Variants in LFNG observed in about 807,000 individuals in gnomAD.
LFNG encodes the protein LFNG O-fucosylpeptide 3-beta-N-acetylglucosaminyltransferase, also known as beta-1,3-N-acetylglucosaminyltransferase lunatic fringe.
In LFNG, 15 loss-of-function variants were observed where a neutral mutation model predicts 32.7. The observed-to-expected ratio is 0.46, with a 90% CI of 0.31 to 0.71. The LOEUF is 0.71. Ranked by LOEUF, LFNG falls within the 30% of genes least tolerant of loss-of-function variation. The pLI, the probability that LFNG is intolerant of heterozygous loss-of-function variation, is 0.06. For missense variants in LFNG, 520 were observed against 545.7 expected, an observed-to-expected ratio of 0.95 and a Z score of 0.47; for synonymous variants, 274 against 246.8, an observed-to-expected ratio of 1.11 and a Z score of -1.03.
At chr7:2,523,111 G>A (rs562578982) in intron 1 of LFNG, among the ~76,000 whole-genome samples, 5 of 152,308 alleles carry the variant, frequency 3.3e-5, no homozygotes, top group East Asian at 1.9e-4. Flanking sequence ...ACCAAATCTC[G>A]GGAGAACAGG....
chr7:2,523,396 G>A (rs1779847589), intron 1 of LFNG, among the ~76,000 whole-genome samples: 1 of 152,230 alleles, frequency 6.6e-6, no homozygotes, highest in Admixed American at 6.5e-5. Flanking sequence ...GGTCAGGCTG[G>A]ATAAGGATCT....
upstream of LFNG, chr7:2,513,453 G>C: frequency 1.8e-6 from 2 of 1,120,026 alleles, no homozygotes; most frequent in Non-Finnish European, 2.5e-6. Flanking sequence ...CCATGGTAGC[G>C]ATGGGGAGCC....
intron 1 of LFNG, among the ~76,000 whole-genome samples, chr7:2,522,840 T>G (rs1779831575): frequency 6.6e-6 from 1 of 152,250 alleles, no homozygotes; most frequent in African/African-American, 2.4e-5. Flanking sequence ...CTTTGCACTT[T>G]GTTCTCTGCC....
intron 1 of LFNG, chr7:2,523,580 C>G (rs1010516400): frequency 6.6e-6 from 1 of 152,242 alleles, no homozygotes; most frequent in Non-Finnish European, 1.5e-5. Context: ...GCGGGCCGGG[C>G]AGAGGAAGGA....
chr7:2,524,895 C>T (rs1779907730), intron 2 of LFNG, 152 bp downstream of exon 2: 1 of 735,486 alleles, frequency 1.4e-6, no homozygotes, highest in Admixed American at 2.4e-5. Context: ...ATGCCCCGCC[C>T]CACCACTCGG....
At chr7:2,524,653 G>C (rs201172449) in intron 1 of LFNG, 42 bp from the exon 2 acceptor site, 1 of 1,557,668 alleles carries the variant, frequency 6.4e-7, no homozygotes, top group Non-Finnish European at 8.7e-7. Flanking sequence ...CCTGGGGTGG[G>C]GATGAAGGGC....
intron 2 of LFNG, 97 bp downstream of exon 2, chr7:2,524,840 C>A: frequency 1.7e-6 from 2 of 1,185,250 alleles, no homozygotes; most frequent in Non-Finnish European, 2.5e-6. Context: ...CGAGAGGTCA[C>A]CAAGGGCAGG....
At chr7:2,515,929 G>A (rs144067569), upstream of LFNG, among the ~76,000 whole-genome samples, 4 of 152,338 alleles carry the variant, frequency 2.6e-5, no homozygotes, top group East Asian at 3.9e-4. Context: ...CTTGGGAGCC[G>A]GCTGTGCTGA....
intron 2 of LFNG, among the ~76,000 whole-genome samples, 189 bp downstream of exon 2, chr7:2,524,932 C>G (rs1779909370): frequency 6.6e-6 from 1 of 152,218 alleles, no homozygotes; most frequent in Non-Finnish European, 1.5e-5. Context: ...GCAAATGAAG[C>G]CCATTCAGCC....
At position 2,528,184 on chromosome 7, in the gene LFNG, C is replaced by G. The variant is rs1022670848; in HGVS notation, c.*972C>G. 5 of 985,678 alleles carry G rather than the reference C, an allele frequency of 5.1e-6. No individual in the cohort carries two copies. In the African/African-American group the frequency reaches 8.7e-5, roughly 17 times the overall value. The allele number at this position is 985,678 out of a possible 1,614,324, so 61.1% of individuals were successfully genotyped here. A position where few individuals can be genotyped will look rare whatever the true frequency, so the allele number is the denominator to read the frequency against. On this transcript the variant is annotated 3_prime_UTR_variant, in exon 8 of 8. Coordinates refer to ENST00000222725, the MANE Select transcript of LFNG (RefSeq NM_001040167.2). ...TTAAAGCTGAAGTGGGACTGTCTGG[C>G]ACTCTGTGTATTTATGCGTTCCAGC...
chr7:2,513,452 C>A, upstream of LFNG: 3 of 1,122,752 alleles, frequency 2.7e-6, no homozygotes, highest in Non-Finnish European at 3.7e-6. Flanking sequence ...CCCATGGTAG[C>A]GATGGGGAGC....
At chr7:2,522,868 G>A (rs1467623535) in intron 1 of LFNG, among the ~76,000 whole-genome samples, 1 of 152,338 alleles carries the variant, frequency 6.6e-6, no homozygotes, top group East Asian at 1.9e-4. Context: ...GCTCTGTTAT[G>A]CCCATTTTAC....
In LFNG at chr7:2,520,269, C is replaced by T. The variant is rs780126521; in HGVS notation, c.408C>T (p.Thr136=). The change falls in exon 1 of 8, where the codon ACC becomes ACT. Residue 136 remains threonine (T), a synonymous_variant. Coordinates refer to ENST00000222725, the MANE Select transcript of LFNG (RefSeq NM_001040167.2). This position sits in a 1 kb window ranked among gnomAD's most constrained non-coding sequence, Gnocchi z 5.0. ...CGCGCCTCGACCTGCTGCTGGAGAC[C>T]TGGATCTCGCGCCACAAGGAGATGG... is the stretch of plus-strand genomic sequence containing the variant. ...HRARLDLLLE[T]WISRHKEMTF... is the part of the protein sequence containing the mutation. 3 of 1,610,270 alleles carry T rather than the reference C, an allele frequency of 1.9e-6. No homozygotes were observed. The East Asian group carries it at 6.7e-5, about 36-fold the overall frequency.
chr7:2,527,608 C>G lies in LFNG; in HGVS notation c.*396C>G. ...CCTTTCTCTTCCTGCTGACCACAAGCTCTGTGCTGGGGGTACCTGTGCCCT... is the reference window on the plus strand; with the variant it reads ...CCTTTCTCTTCCTGCTGACCACAAGGTCTGTGCTGGGGGTACCTGTGCCCT... On this transcript the variant is annotated 3_prime_UTR_variant, in exon 8 of 8. Transcript: ENST00000222725. This position sits in a 1 kb window ranked among gnomAD's most constrained non-coding sequence, Gnocchi z 4.4. 8.4e-7 allele frequency: 1 copy of G among 1,187,956 alleles called. No homozygotes were observed. The highest frequency in any genetic ancestry group is 1.1e-6 in the Non-Finnish European group (1 of 943,372). 73.6% of individuals were successfully genotyped at this position (1,187,956 alleles called of 1,614,324 possible).
rs1276750373 is a variant in LFNG at position 2,524,622 on chromosome 7, C to T, written c.433-73C>T. On this transcript the variant is annotated intron_variant, in intron 1 of 7. Transcript: ENST00000222725. The stretch of plus-strand genomic sequence containing the variant: ...CAGCTGCAGCAACTCCAGGGCGCCC[C>T]GTCCGGCCCCCACAGATGGCCCTGG... The T allele has an allele frequency of 4.2e-6, 6 of 1,435,424 alleles. No homozygotes were observed. The Admixed American group carries it at 5.9e-5, about 14-fold the overall frequency. The allele number at this position is 1,435,424 out of a possible 1,614,324, so 88.9% of individuals were successfully genotyped here. A position where few individuals can be genotyped will look rare whatever the true frequency, so the allele number is the denominator to read the frequency against.
chr7:2,519,695 C>A, upstream of LFNG: 1 of 250,388 alleles, frequency 4.0e-6, no homozygotes, highest in Non-Finnish European at 6.5e-6. Context: ...GCCCCGCCCC[C>A]GAGCCCGGGA....
At chr7:2,516,120 T>A (rs143866514), upstream of LFNG, among the ~76,000 whole-genome samples, 17 of 152,318 alleles carry the variant, frequency 1.1e-4, no homozygotes, top group African/African-American at 4.1e-4. Flanking sequence ...TTGGCATTCC[T>A]GCGTCTGTGT....
chr7:2,526,419 C>T lies in LFNG; in HGVS notation c.987+10C>T, dbSNP rs1583277756. The T allele has an allele frequency of 6.2e-7, 1 of 1,604,910 alleles. No homozygotes were observed. Among genetic ancestry groups the T allele is most frequent in the Non-Finnish European group, 8.5e-7 (1 of 1,179,862 alleles). ...GGAGCTCCACGAGCAGGTGCACCAT[C>T]CTCCGGGCCCCGCCAGGACTCCGAG... On this transcript the variant is annotated intron_variant, in intron 6 of 7. Transcript: ENST00000222725. The surrounding 1 kb of genome is among the most constrained non-coding windows in gnomAD (Gnocchi z 6.9).
chr7:2,519,876 C>A lies in LFNG; in HGVS notation c.15C>A (p.Cys5Ter). 9.1e-7 allele frequency: 1 copy of A among 1,102,750 alleles called. No homozygotes were observed. The highest frequency in any genetic ancestry group is 3.1e-5 in the South Asian group (1 of 32,650). 68.3% of individuals were successfully genotyped at this position (1,102,750 alleles called of 1,614,324 possible). ...GCCACCCCACCATGCTCAAGCGCTG[C>A]GGCCGGCGCCTGCTGCTGGCGCTGG... MLKR[C>*]GRRLLLALAG... The change falls in exon 1 of 8, where the codon TGC becomes TGA. Residue 5 changes from cysteine (C) to a stop codon, truncating the protein, a stop_gained. Transcript: ENST00000222725. LOFTEE classifies it high-confidence loss of function.
Sources: gnomAD v4.1 joint callset for allele counts (sites outside exome capture counted in the v4.1 genomes callset) on GRCh38, gnomAD v4.1.1 for gene constraint, Gnocchi (gnomAD v3.1) non-coding constraint, MANE v1.5 for transcripts, NCBI Gene and HGNC (gene_info 2026-07-23, HGNC 2026-07-21) for gene names.